The following TSPAN9 variants were observed in gnomAD, a reference collection of about 807,000 sequenced individuals.
TSPAN9 encodes the protein tetraspanin-9.
In TSPAN9, 16 loss-of-function variants were observed where a neutral mutation model predicts 31.0. The observed-to-expected ratio is 0.52, with a 90% CI of 0.35 to 0.78. The LOEUF is 0.78. Among genes scored for constraint, TSPAN9 ranks in the 30% least tolerant of loss-of-function variants. The pLI is 0.01. For synonymous variants in TSPAN9, 145 were observed against 121.6 expected (o/e 1.19, Z -1.27); for missense variants, 272 against 312.5 (o/e 0.87, Z 0.98).
intron 2 of TSPAN9, among the ~76,000 whole-genome samples, chr12:3,116,754 C>T (rs757528107): frequency 6.6e-6 from 1 of 152,184 alleles, no homozygotes; most frequent in South Asian, 2.1e-4. Context: ...CCCGGGAGCG[C>T]GCGCCTGCCC....
chr12:3,185,830 G>A (rs1255682185), intron 2 of TSPAN9, among the ~76,000 whole-genome samples: 1 of 152,176 alleles, frequency 6.6e-6, no homozygotes, highest in East Asian at 1.9e-4. Flanking sequence ...GGATGTAGCT[G>A]GAGTTCGGGT....
At position 3,143,089 on chromosome 12, in the gene TSPAN9, T is replaced by C. The variant is rs182209769; in HGVS notation, c.-17-58088T>C. The stretch of plus-strand genomic sequence containing the variant: ...GGTTCTTTGTCTTTGGAGAGACCAC[T>C]GTGGCATGGTGACGTGTCCTTCTAG... On this transcript the variant is annotated intron_variant, in intron 2 of 8. Coordinates refer to ENST00000011898, the MANE Select transcript of TSPAN9 (RefSeq NM_006675.5). The surrounding 1 kb of genome is among the most constrained non-coding windows in gnomAD (Gnocchi z 4.2). Among the ~76,000 whole-genome samples, 1 of 152,190 alleles carries C rather than the reference T, an allele frequency of 6.6e-6. No homozygotes were observed. Among genetic ancestry groups the C allele is most frequent in the East Asian group, 1.9e-4 (1 of 5,182 alleles).
In TSPAN9 at chr12:3,212,018, C is replaced by T. The variant is rs1313163922; in HGVS notation, c.63+10762C>T. 6 of 713,686 alleles carry T rather than the reference C, an allele frequency of 8.4e-6. No homozygotes were observed. In the African/African-American group the frequency reaches 1.1e-4, roughly 13 times the overall value. 44.2% of individuals were successfully genotyped at this position (713,686 alleles called of 1,614,324 possible). A position where few individuals can be genotyped will look rare whatever the true frequency, so the allele number is the denominator to read the frequency against. On this transcript the variant is annotated intron_variant, in intron 3 of 8. Coordinates refer to ENST00000011898, the MANE Select transcript of TSPAN9 (RefSeq NM_006675.5). ...ATATAATCTTTCTCCGTCACCCAGG[C>T]TGGAGTGCAGTGGCATGATCTCAGC...
At chr12:3,262,623 T>A (rs932430481) in intron 3 of TSPAN9, among the ~76,000 whole-genome samples, 1 of 152,034 alleles carries the variant, frequency 6.6e-6, no homozygotes, top group Non-Finnish European at 1.5e-5. Flanking sequence ...TGCTTATCCT[T>A]ACCGTGTAGG....
At chr12:3,281,984 G>T in intron 8 of TSPAN9, 167 bp downstream of exon 8, 1 of 802,222 alleles carries the variant, frequency 1.2e-6, no homozygotes. Flanking sequence ...GCAGAGCTCT[G>T]ATATGAGAGC....
At chr12:3,154,763 T>C (rs1342911425) in intron 2 of TSPAN9, among the ~76,000 whole-genome samples, 1 of 152,254 alleles carries the variant, frequency 6.6e-6, no homozygotes, top group Non-Finnish European at 1.5e-5. Context: ...ACTTCGGTCC[T>C]GTGAGCATCT....
At chr12:3,237,169 A>G (rs2153976765) in intron 3 of TSPAN9, among the ~76,000 whole-genome samples, 1 of 152,280 alleles carries the variant, frequency 6.6e-6, no homozygotes, top group South Asian at 2.1e-4. Context: ...GGCTCATCCC[A>G]AATTTGGGCC....
Position 3,280,559 on chromosome 12 carries a change from G to T in TSPAN9, c.432+76G>T. 3 of 1,389,436 alleles carry T rather than the reference G, an allele frequency of 2.2e-6. No individual in the cohort carries two copies. The highest frequency in any genetic ancestry group is 3.0e-6 in the Non-Finnish European group (3 of 1,005,808). The allele number at this position is 1,389,436 out of a possible 1,614,324, so 86.1% of individuals were successfully genotyped here. A position where few individuals can be genotyped will look rare whatever the true frequency, so the allele number is the denominator to read the frequency against. ...CCGGTACTTCTAGCTGCCTTCCCCG[G>T]TGACCTGGCCGGGCACCTGTGCTTT... On this transcript the variant is annotated intron_variant, in intron 6 of 8. Coordinates refer to ENST00000011898, the MANE Select transcript of TSPAN9 (RefSeq NM_006675.5). The surrounding 1 kb of genome is among the most constrained non-coding windows in gnomAD (Gnocchi z 4.5).
At chr12:3,161,978 C>G (rs1345309933) in intron 2 of TSPAN9, among the ~76,000 whole-genome samples, 7 of 152,102 alleles carry the variant, frequency 4.6e-5, no homozygotes, top group African/African-American at 1.7e-4. Flanking sequence ...ATGGTGCCTG[C>G]CTGGCCTCCT....
intron 2 of TSPAN9, among the ~76,000 whole-genome samples, chr12:3,195,511 CA>C (rs776987682): frequency 6.6e-6 from 1 of 152,222 alleles, no homozygotes; most frequent in Admixed American, 6.5e-5. Flanking sequence ...CTGCACCTGC[CA>C]GCTTGCCTGG....
intron 3 of TSPAN9, among the ~76,000 whole-genome samples, chr12:3,212,867 G>A (rs2098379470): frequency 6.6e-6 from 1 of 152,188 alleles, no homozygotes; most frequent in African/African-American, 2.4e-5. Context: ...CAGGGACTAT[G>A]AGAAGGGTGA....
At chr12:3,130,818 T>C (rs144049758) in intron 2 of TSPAN9, among the ~76,000 whole-genome samples, 10 of 152,362 alleles carry the variant, frequency 6.6e-5, no homozygotes, top group African/African-American at 2.2e-4. Flanking sequence ...TTTGCTGTTT[T>C]CCAGCCTTCT....
intron 2 of TSPAN9, among the ~76,000 whole-genome samples, chr12:3,151,803 C>A (rs960010574): frequency 2.0e-5 from 3 of 152,178 alleles, no homozygotes; most frequent in Admixed American, 6.5e-5. Flanking sequence ...TGCGCCTGTA[C>A]TCCCAGCTAC....
intron 2 of TSPAN9, among the ~76,000 whole-genome samples, chr12:3,120,700 A>G (rs1257542648): frequency 6.6e-6 from 1 of 152,244 alleles, no homozygotes; most frequent in Admixed American, 6.5e-5. Flanking sequence ...GACCACATAC[A>G]GTGTAAACTG....
chr12:3,188,041 C>A (rs2098362342), intron 2 of TSPAN9, among the ~76,000 whole-genome samples: 1 of 152,152 alleles, frequency 6.6e-6, no homozygotes, highest in Non-Finnish European at 1.5e-5. Context: ...GGGACTGATT[C>A]ATCAGCATAG....
chr12:3,181,859 G>C (rs2098358746), intron 2 of TSPAN9, among the ~76,000 whole-genome samples: 1 of 152,078 alleles, frequency 6.6e-6, no homozygotes, highest in Non-Finnish European at 1.5e-5. Context: ...TATCTGACAG[G>C]CCACCTGCAG....
At chr12:3,222,170 G>A (rs1227130518) in intron 3 of TSPAN9, among the ~76,000 whole-genome samples, 4 of 152,122 alleles carry the variant, frequency 2.6e-5, no homozygotes, top group Non-Finnish European at 1.5e-5. Context: ...CTATGCTCAA[G>A]GCACAGGGCT....
At chr12:3,230,537 T>A (rs986247928) in intron 3 of TSPAN9, among the ~76,000 whole-genome samples, 1 of 152,074 alleles carries the variant, frequency 6.6e-6, no homozygotes, top group Non-Finnish European at 1.5e-5. Flanking sequence ...TAGAAAACAG[T>A]AAGTCATTTG....
chr12:3,275,973 C>T (rs1260495394), intron 3 of TSPAN9, among the ~76,000 whole-genome samples: 1 of 152,240 alleles, frequency 6.6e-6, no homozygotes, highest in Non-Finnish European at 1.5e-5. Flanking sequence ...CCTGTCAATG[C>T]CACCTTCAAA....
Sources: gnomAD v4.1 joint callset for allele counts (sites outside exome capture counted in the v4.1 genomes callset) on GRCh38, gnomAD v4.1.1 for gene constraint, Gnocchi (gnomAD v3.1) non-coding constraint, MANE v1.5 for transcripts, NCBI Gene and HGNC (gene_info 2026-07-23, HGNC 2026-07-21) for gene names.